ZDHHC21: variants seen among roughly 807,000 people sequenced by gnomAD.
The protein encoded by ZDHHC21 is palmitoyltransferase ZDHHC21.
ZDHHC21 carries 15 observed loss-of-function variants against 34.6 expected under a neutral mutation model. The observed-to-expected ratio is 0.43, with a 90% CI of 0.29 to 0.67. The LOEUF is 0.67. Ranked by LOEUF, ZDHHC21 falls within the 30% of genes least tolerant of loss-of-function variation. The pLI is 0.14. For missense variants in ZDHHC21, 344 were observed against 327.7 expected, an observed-to-expected ratio of 1.05 and a Z score of -0.38; for synonymous variants, 142 against 101.8, an observed-to-expected ratio of 1.40 and a Z score of -2.38.
At chr9:14,678,402 T>C (rs1231728585) in intron 3 of ZDHHC21, among the ~76,000 whole-genome samples, 1 of 151,626 alleles carries the variant, frequency 6.6e-6, no homozygotes, top group Non-Finnish European at 1.5e-5. Context: ...GCATACAACA[T>C]AAATATATAA....
At chr9:14,682,682 A>G (rs1837592081) in intron 2 of ZDHHC21, among the ~76,000 whole-genome samples, 1 of 152,258 alleles carries the variant, frequency 6.6e-6, no homozygotes, top group East Asian at 1.9e-4. Context: ...CTGCACCAAG[A>G]GGACCTAATA....
rs147779048 is a variant in ZDHHC21 at position 14,677,112 on chromosome 9, G to C, written c.-45-2727C>G. 4.2e-3 allele frequency among the ~76,000 whole-genome samples: 633 copies of C among 151,948 alleles called. 6 individuals carry two copies. The highest frequency in any genetic ancestry group is 0.014 in the African/African-American group (590 of 41,468). On this transcript the variant is annotated intron_variant, in intron 3 of 9. Transcript: ENST00000380916. ...CAAATTTTTCTTCATCACTGGAAGAGATCTCTCACAGCAACAAAAAATTAC... is the reference window on the plus strand; with the variant it reads ...CAAATTTTTCTTCATCACTGGAAGACATCTCTCACAGCAACAAAAAATTAC...
chr9:14,682,198 C>T (rs200757131), intron 2 of ZDHHC21, among the ~76,000 whole-genome samples: 7 of 152,136 alleles, frequency 4.6e-5, no homozygotes, highest in Non-Finnish European at 1.0e-4. Context: ...CAATATTAAC[C>T]TTAAATGTAA....
chr9:14,622,405 A>C, intron 8 of ZDHHC21: 1 of 287,954 alleles, frequency 3.5e-6, no homozygotes, highest in Non-Finnish European at 5.1e-6. Context: ...TTATACCTGG[A>C]ATGGGGGGGC....
At chr9:14,685,539 A>G (rs1838171680) in intron 2 of ZDHHC21, among the ~76,000 whole-genome samples, 1 of 152,178 alleles carries the variant, frequency 6.6e-6, no homozygotes, top group South Asian at 2.1e-4. Context: ...GCGATCACTA[A>G]AAAGTCAGGA....
At chr9:14,659,182 G>A (rs1186037412) in intron 6 of ZDHHC21, among the ~76,000 whole-genome samples, 2 of 152,100 alleles carry the variant, frequency 1.3e-5, no homozygotes, top group African/African-American at 2.4e-5. Flanking sequence ...TATGGAAACA[G>A]GGAACAAAGG....
intron 6 of ZDHHC21, among the ~76,000 whole-genome samples, chr9:14,660,816 T>G (rs1833254232): frequency 6.6e-6 from 1 of 151,888 alleles, no homozygotes; most frequent in African/African-American, 2.4e-5. Context: ...TGCATTCGTT[T>G]GAAAAAAAAA....
At chr9:14,610,319 G>C (rs1225953972), downstream of ZDHHC21, among the ~76,000 whole-genome samples, 1 of 151,640 alleles carries the variant, frequency 6.6e-6, no homozygotes, top group Non-Finnish European at 1.5e-5. Flanking sequence ...TCAAAACAAA[G>C]GAAATTGCAA....
chr9:14,635,658 G>A (rs1318786719), intron 8 of ZDHHC21, among the ~76,000 whole-genome samples: 1 of 152,166 alleles, frequency 6.6e-6, no homozygotes, highest in African/African-American at 2.4e-5. Context: ...TCCCTAGACT[G>A]GTCCTACAAG....
At chr9:14,596,782 G>A in the ZDHHC21 span, among the ~76,000 whole-genome samples, 6 of 152,132 alleles carry the variant, frequency 3.9e-5, no homozygotes, top group African/African-American at 1.4e-4. Flanking sequence ...TTACTGGCTG[G>A]TGGCTAGAGG....
At chr9:14,648,093 G>A (rs867062966) in intron 7 of ZDHHC21, among the ~76,000 whole-genome samples, 4 of 152,032 alleles carry the variant, frequency 2.6e-5, no homozygotes, top group Non-Finnish European at 2.9e-5. Context: ...TCTTCCAGTT[G>A]TTTGGGCGGT....
Position 14,679,071 on chromosome 9 carries a change from G to A in ZDHHC21, c.-46+962C>T, listed in dbSNP as rs114081461. On this transcript the variant is annotated intron_variant, in intron 3 of 9. Transcript: ENST00000380916. Reference sequence around the variant, plus strand: ...TGTTTCTATTGATAATGGAGTCTGAGTTACAAAGATGAATTTATCAAAACT... The same window carrying A: ...TGTTTCTATTGATAATGGAGTCTGAATTACAAAGATGAATTTATCAAAACT... Among the ~76,000 whole-genome samples, 927 of 152,172 alleles carry A rather than the reference G, an allele frequency of 6.1e-3. 15 individuals are homozygous for A. The highest frequency in any genetic ancestry group is 0.021 in the African/African-American group (875 of 41,538).
chr9:14,662,750 T>A (rs990925135), intron 5 of ZDHHC21, among the ~76,000 whole-genome samples: 8 of 152,190 alleles, frequency 5.3e-5, no homozygotes, highest in African/African-American at 1.7e-4. Flanking sequence ...TGACCCTGGT[T>A]TCAATTGATT....
At chr9:14,627,936 C>A (rs551657005) in intron 8 of ZDHHC21, among the ~76,000 whole-genome samples, 48 of 150,686 alleles carry the variant, frequency 3.2e-4, no homozygotes, top group African/African-American at 7.2e-4. Flanking sequence ...CAAAAAAAAA[C>A]CAAAAAACAG....
intron 5 of ZDHHC21, among the ~76,000 whole-genome samples, chr9:14,665,279 G>A (rs1392888332): frequency 2.3e-5 from 3 of 133,250 alleles, no homozygotes; most frequent in Middle Eastern, 3.5e-3. Context: ...GAAATGAAGC[G>A]AGAAGGGAAG....
At chr9:14,673,780 T>C (rs1299684240) in intron 4 of ZDHHC21, among the ~76,000 whole-genome samples, 1 of 152,064 alleles carries the variant, frequency 6.6e-6, no homozygotes, top group Non-Finnish European at 1.5e-5. Context: ...CCAAGTGTTA[T>C]CATAATCAAC....
chr9:14,680,971 G>T (rs1018457628), intron 2 of ZDHHC21, among the ~76,000 whole-genome samples: 4 of 152,100 alleles, frequency 2.6e-5, no homozygotes, highest in Non-Finnish European at 5.9e-5. Flanking sequence ...GATGAAGAAG[G>T]CAGACTCTTC....
the ZDHHC21 span, among the ~76,000 whole-genome samples, chr9:14,597,692 T>A: frequency 6.6e-6 from 1 of 151,940 alleles, no homozygotes; most frequent in Non-Finnish European, 1.5e-5. Context: ...GCTGCCTCCA[T>A]CCAAGTGCAC....
At position 14,619,748 on chromosome 9, in the gene ZDHHC21, C is replaced by T. The variant is rs1007389215; in HGVS notation, c.622-66G>A. 17 of 950,060 alleles carry T rather than the reference C, an allele frequency of 1.8e-5. 1 individual carries two copies. The African/African-American group carries it at 2.9e-4, about 16-fold the overall frequency. The allele number at this position is 950,060 out of a possible 1,614,324, so 58.9% of individuals were successfully genotyped here. A position where few individuals can be genotyped will look rare whatever the true frequency, so the allele number is the denominator to read the frequency against. On this transcript the variant is annotated intron_variant, in intron 8 of 9. Transcript: ENST00000380916. The stretch of plus-strand genomic sequence containing the variant: ...ATTAAGTCTTTATTCTGTATCCACT[C>T]TATCATGTTTTTAATCTTATTCCAA...
Sources: gnomAD v4.1 joint callset for allele counts (sites outside exome capture counted in the v4.1 genomes callset) on GRCh38, gnomAD v4.1.1 for gene constraint, MANE v1.5 for transcripts, NCBI Gene and HGNC (gene_info 2026-07-23, HGNC 2026-07-21) for gene names.